Variants in PUS1 observed in about 807,000 individuals in gnomAD.
The protein encoded by PUS1 is pseudouridylate synthase 1 homolog.
A neutral mutation model predicts 38.5 loss-of-function variants in PUS1; 25 were observed. That is an observed-to-expected ratio of 0.65 (90% CI 0.47 to 0.91). PUS1 has a LOEUF of 0.91. PUS1 is among the 40% of genes least tolerant of loss of function. The probability of loss-of-function intolerance (pLI) is 0.00; values close to 1 mark genes in which losing one functional copy is unlikely to be tolerated. For synonymous variants in PUS1, 282 were observed against 260.4 expected, an observed-to-expected ratio of 1.08 and a Z score of -0.80; for missense variants, 597 against 612.3, an observed-to-expected ratio of 0.97 and a Z score of 0.26.
intron 3 of PUS1, 178 bp downstream of exon 3, chr12:131,932,490 G>A (rs1890649858): frequency 3.0e-6 from 2 of 665,026 alleles, no homozygotes; most frequent in African/African-American, 1.8e-5. Context: ...AGGTATAGCT[G>A]GATCTAGATG....
Position 131,943,869 on chromosome 12 carries a change from T to G in PUS1, c.*283T>G. On this transcript the variant is annotated 3_prime_UTR_variant, in exon 6 of 6. Transcript: ENST00000376649. Reference sequence around the variant, plus strand: ...AATTTTGCTTAGTCAATCCTTGGTTTGCCTTTTTCTTAGTCTTTTTTAACA... The same window carrying G: ...AATTTTGCTTAGTCAATCCTTGGTTGGCCTTTTTCTTAGTCTTTTTTAACA... 1.6e-5 allele frequency: 7 copies of G among 427,902 alleles called. No homozygotes were observed. Among genetic ancestry groups the G allele is most frequent in the South Asian group, 1.5e-4 (7 of 46,152 alleles). 26.5% of individuals were successfully genotyped at this position (427,902 alleles called of 1,614,324 possible). A position where few individuals can be genotyped will look rare whatever the true frequency, so the allele number is the denominator to read the frequency against.
chr12:131,930,177 TGCAGG>T (rs1219419185), intron 2 of PUS1, 42 bp downstream of exon 2: 4 of 1,343,920 alleles, frequency 3.0e-6, no homozygotes, highest in Non-Finnish European at 9.6e-7. Context: ...GGGGTTTAGG[TGCAGG>T]TGCGGCCGCC....
chr12:131,930,163 C>T (rs768305094), intron 2 of PUS1, 28 bp downstream of exon 2: 1 of 1,399,204 alleles, frequency 7.1e-7, no homozygotes, highest in Non-Finnish European at 9.3e-7. Context: ...GCGGCAGGTC[C>T]CGCGGGGTTT....
At chr12:131,931,914 A>G in intron 2 of PUS1, 1 of 602,964 alleles carries the variant, frequency 1.7e-6, no homozygotes, top group Non-Finnish European at 3.0e-6. Context: ...AGATTGTGGA[A>G]GTAGGTGTAT....
chr12:131,940,731 G>A (rs960947324), intron 4 of PUS1, among the ~76,000 whole-genome samples: 11 of 151,994 alleles, frequency 7.2e-5, no homozygotes, highest in Non-Finnish European at 8.8e-5. Context: ...ACAGGTACAC[G>A]CCACCACGCC....
chr12:131,932,498 A>G (rs1272544676), intron 3 of PUS1, 186 bp downstream of exon 3: 6 of 650,476 alleles, frequency 9.2e-6, no homozygotes, highest in African/African-American at 7.2e-5. Flanking sequence ...CTGGATCTAG[A>G]TGCTCCCTGC....
At chr12:131,937,301 A>G (rs1188179289) in intron 3 of PUS1, among the ~76,000 whole-genome samples, 2 of 152,348 alleles carry the variant, frequency 1.3e-5, no homozygotes, top group East Asian at 1.9e-4. Flanking sequence ...GAGCACCCAC[A>G]TAGTCTTCCC....
intron 3 of PUS1, chr12:131,932,647 G>T (rs1368698064): frequency 4.4e-6 from 2 of 458,512 alleles, no homozygotes; most frequent in Non-Finnish European, 8.1e-6. Flanking sequence ...CTCTGAGGCA[G>T]ATGTAATTGT....
chr12:131,941,822 G>C lies in PUS1; in HGVS notation c.1075G>C (p.Ala359Pro), dbSNP rs771290692. ...NDGLHEPLDW[A>P]QEEGKVAAFK... The stretch of plus-strand genomic sequence containing the variant: ...TGGGCTGCATGAGCCGCTGGACTGG[G>C]CGCAGGAGGAAGGAAAGGTCGCAGC... Residue 359 changes from alanine to proline, a missense_variant, in exon 5 of 6, where the codon GCG (alanine) becomes CCG (proline). Ala to Pro is a conservative substitution (Grantham distance 27). Transcript: ENST00000376649. This position sits in a 1 kb window ranked among gnomAD's most constrained non-coding sequence, Gnocchi z 4.4. 6 of 1,613,994 alleles carry C rather than the reference G, an allele frequency of 3.7e-6. No individual in the cohort carries two copies. Among genetic ancestry groups the C allele is most frequent in the Non-Finnish European group, 5.1e-6 (6 of 1,179,944 alleles).
At chr12:131,943,459 C>A in intron 5 of PUS1, 80 bp from the exon 6 acceptor site, 1 of 1,198,792 alleles carries the variant, frequency 8.3e-7, no homozygotes, top group South Asian at 1.2e-5. Flanking sequence ...TGTGCCAAGC[C>A]TGTCATGGGC....
At position 131,945,165 on chromosome 12, in the gene PUS1, G is replaced by A. The variant is rs1322533893; in HGVS notation, c.*1579G>A. 3 of 152,382 alleles carry A rather than the reference G, an allele frequency of 2.0e-5. No individual in the cohort carries two copies. Among genetic ancestry groups the A allele is most frequent in the African/African-American group, 4.8e-5 (2 of 41,462 alleles). 9.4% of individuals were successfully genotyped at this position (152,382 alleles called of 1,614,324 possible). On this transcript the variant is annotated 3_prime_UTR_variant, in exon 6 of 6. Coordinates refer to ENST00000376649, the MANE Select transcript of PUS1 (RefSeq NM_025215.6). ...CGCCCCAGCAGTGCGTGAGTGACAT[G>A]TGCACGTGCCCATGATGCGGTGGAC...
chr12:131,938,040 CAGCTTCTTT>C (rs1890906509), intron 3 of PUS1, among the ~76,000 whole-genome samples: 1 of 152,070 alleles, frequency 6.6e-6, no homozygotes, highest in Non-Finnish European at 1.5e-5. Context: ...TTCTTTTCTT[CAGCTTCTTT>C]GATGTGGCAT....
At position 131,930,099 on chromosome 12, in the gene PUS1, C is replaced by T. The variant is rs1460275101; in HGVS notation, c.267C>T (p.Leu89=). 5 of 1,441,832 alleles carry T rather than the reference C, an allele frequency of 3.5e-6. No homozygotes were observed. Among genetic ancestry groups the T allele is most frequent in the African/African-American group, 1.5e-5 (1 of 67,572 alleles). The allele number at this position is 1,441,832 out of a possible 1,614,324, so 89.3% of individuals were successfully genotyped here. A position where few individuals can be genotyped will look rare whatever the true frequency, so the allele number is the denominator to read the frequency against. ...CGCCCAAGCGGAAGATCGTGCTGCT[C>T]ATGGCCTATTCGGGCAAGGGCTACC... ...EKPPKRKIVL[L]MAYSGKGYHG... Residue 89 remains leucine (L), a synonymous_variant, in exon 2 of 6, where the codon CTC becomes CTT. Coordinates refer to ENST00000376649, the MANE Select transcript of PUS1 (RefSeq NM_025215.6).
At chr12:131,934,276 G>A (rs1184470957) in intron 3 of PUS1, among the ~76,000 whole-genome samples, 4 of 152,200 alleles carry the variant, frequency 2.6e-5, no homozygotes, top group African/African-American at 4.8e-5. Context: ...CCCACAAGAG[G>A]TGGTGGAGCA....
At position 131,945,264 on chromosome 12, in the gene PUS1, G is replaced by T. The variant is rs560534145; in HGVS notation, c.*1678G>T. ...AGGCAGTGAGCTCCTAGGGCGTGGG[G>T]TGCCCAAGAGAGTGGAGCTGGTTTT... On this transcript the variant is annotated 3_prime_UTR_variant, in exon 6 of 6. Coordinates refer to ENST00000376649, the MANE Select transcript of PUS1 (RefSeq NM_025215.6). 2.6e-5 allele frequency: 4 copies of T among 152,390 alleles called. No individual in the cohort carries two copies. The highest frequency in any genetic ancestry group is 4.4e-5 in the Non-Finnish European group (3 of 68,146). 9.4% of individuals were successfully genotyped at this position (152,390 alleles called of 1,614,324 possible).
In PUS1 at chr12:131,932,258, T is replaced by A. The variant is rs1416215558; in HGVS notation, c.387T>A (p.Asn129Lys). ...ALVRSGCIPE[N>K]HGEDMRKMSF... Reference sequence around the variant, plus strand: ...TCCGGTCAGGCTGTATTCCTGAAAATCATGGTGAGGACATGAGGAAAATGT... The same window carrying A: ...TCCGGTCAGGCTGTATTCCTGAAAAACATGGTGAGGACATGAGGAAAATGT... The change falls in exon 3 of 6, where the codon AAT becomes AAA. Residue 129 changes from asparagine (N) to lysine (K), a missense_variant. By Grantham distance (94) the Asn-to-Lys change is moderately conservative (BLOSUM62 0). Transcript: ENST00000376649. 33 of 1,613,978 alleles carry A rather than the reference T, an allele frequency of 2.0e-5. No homozygotes were observed. The highest frequency in any genetic ancestry group is 2.4e-5 in the Non-Finnish European group (28 of 1,180,006).
Position 131,941,978 on chromosome 12 carries a change from GC to G in PUS1, c.1233del (p.Lys412ArgfsTer134). On this transcript the variant is annotated frameshift_variant, in exon 5 of 6. Transcript: ENST00000376649. LOFTEE classifies it high-confidence loss of function. This position sits in a 1 kb window ranked among gnomAD's most constrained non-coding sequence, Gnocchi z 4.4. The stretch of plus-strand genomic sequence containing the variant: ...CGCTCTCACGGCAGGTGGCACGGGC[GC>G]CAAGGTAGGGGCACAGTCCCAGCAG... ...ATALTAGGTG[A>X]KVPSPLEGSE... 1 of 1,611,724 alleles carries G rather than the reference GC, an allele frequency of 6.2e-7. No individual in the cohort carries two copies. Among genetic ancestry groups the G allele is most frequent in the East Asian group, 2.2e-5 (1 of 44,774 alleles).
Position 131,945,080 on chromosome 12 carries a change from A to C in PUS1, c.*1494A>C, listed in dbSNP as rs1346879942. On this transcript the variant is annotated 3_prime_UTR_variant, in exon 6 of 6. Transcript: ENST00000376649. ...TGCCTGATGCCCCAGCGGTGCACAC[A>C]ACTAATGCGCATGCGCCTGACGTGC... 6.6e-6 allele frequency: 1 copy of C among 152,266 alleles called. No individual in the cohort carries two copies. Among genetic ancestry groups the C allele is most frequent in the African/African-American group, 2.4e-5 (1 of 41,448 alleles). 9.4% of individuals were successfully genotyped at this position (152,266 alleles called of 1,614,324 possible). A position where few individuals can be genotyped will look rare whatever the true frequency, so the allele number is the denominator to read the frequency against.
chr12:131,935,694 C>G (rs1035201886), intron 3 of PUS1, among the ~76,000 whole-genome samples: 1 of 151,862 alleles, frequency 6.6e-6, no homozygotes, highest in African/African-American at 2.4e-5. Flanking sequence ...TCACCACGCC[C>G]GGCTGATTTT....
Sources: gnomAD v4.1 joint callset for allele counts (sites outside exome capture counted in the v4.1 genomes callset) on GRCh38, gnomAD v4.1.1 for gene constraint, Gnocchi (gnomAD v3.1) non-coding constraint, MANE v1.5 for transcripts, NCBI Gene and HGNC (gene_info 2026-07-23, HGNC 2026-07-21) for gene names.